GLP2R: variants seen among roughly 807,000 people sequenced by gnomAD.
GLP2R encodes the protein glucagon-like peptide 2 receptor.
In GLP2R, 59 loss-of-function variants were observed where a neutral mutation model predicts 68.2. The ratio of observed to expected loss-of-function variants is 0.87; its 90% CI spans 0.70 to 1.07. The LOEUF (loss-of-function observed/expected upper bound fraction) is 1.07, where lower values mean the gene tolerates loss of function less well. Among genes scored for constraint, GLP2R ranks in the 50% least tolerant of loss-of-function variants. The pLI is 0.00. For synonymous variants in GLP2R, 270 were observed against 265.4 expected (o/e 1.02, Z -0.17); for missense variants, 548 against 677.4 (o/e 0.81, Z 2.12).
intron 9 of GLP2R, among the ~76,000 whole-genome samples, chr17:9,863,622 C>T (rs557212884): frequency 3.7e-4 from 57 of 152,314 alleles, no homozygotes; most frequent in African/African-American, 1.4e-3. Context: ...CCAACTCCTT[C>T]CCTCGCCATC....
chr17:9,841,845 C>T (rs2066790128), intron 3 of GLP2R, among the ~76,000 whole-genome samples: 1 of 152,188 alleles, frequency 6.6e-6, no homozygotes, highest in Non-Finnish European at 1.5e-5. Context: ...AGCTCAGCCT[C>T]TAATCCTCCA....
intron 12 of GLP2R, among the ~76,000 whole-genome samples, chr17:9,888,579 G>A (rs2067263708): frequency 6.6e-6 from 1 of 152,138 alleles, no homozygotes; most frequent in South Asian, 2.1e-4. Context: ...CGATTCTCAT[G>A]CCTCAGCCTC....
intron 5 of GLP2R, 85 bp downstream of exon 5, chr17:9,854,686 T>C: frequency 3.7e-6 from 3 of 821,302 alleles, no homozygotes; most frequent in Non-Finnish European, 6.4e-6. Context: ...AGAGTTCCAG[T>C]AGATGCCTGA....
chr17:9,829,160 G>A (rs934167648), intron 1 of GLP2R, among the ~76,000 whole-genome samples: 2 of 152,072 alleles, frequency 1.3e-5, no homozygotes, highest in Non-Finnish European at 2.9e-5. Context: ...CAAGCAGGGA[G>A]GTAGTGTTAT....
intron 10 of GLP2R, among the ~76,000 whole-genome samples, chr17:9,872,531 C>T (rs1029793230): frequency 6.6e-6 from 1 of 152,156 alleles, no homozygotes; most frequent in Non-Finnish European, 1.5e-5. Context: ...AAGCCGAGAT[C>T]GTGCCATTGT....
chr17:9,839,064 CA>C (rs2066760202), intron 3 of GLP2R, among the ~76,000 whole-genome samples: 1 of 152,192 alleles, frequency 6.6e-6, no homozygotes, highest in Non-Finnish European at 1.5e-5. Context: ...ACTAGGGTTT[CA>C]AGCTTTCTTC....
intron 6 of GLP2R, among the ~76,000 whole-genome samples, chr17:9,858,492 C>T (rs539921944): frequency 3.9e-4 from 60 of 152,198 alleles, no homozygotes; most frequent in South Asian, 2.1e-4. Flanking sequence ...GTGCTAGCCT[C>T]GTAAAACAAA....
intron 3 of GLP2R, 129 bp downstream of exon 3, chr17:9,836,604 G>A: frequency 3.3e-6 from 2 of 602,206 alleles, no homozygotes; most frequent in Non-Finnish European, 6.0e-6. Flanking sequence ...ATTCCTGGAT[G>A]TTCCATTTAT....
At chr17:9,876,754 C>A (rs749241820) in intron 10 of GLP2R, among the ~76,000 whole-genome samples, 1 of 152,154 alleles carries the variant, frequency 6.6e-6, no homozygotes, top group African/African-American at 2.4e-5. Context: ...TGGAGTACCA[C>A]GTTCTGAACC....
At chr17:9,828,335 G>A (rs2066650969) in intron 1 of GLP2R, among the ~76,000 whole-genome samples, 1 of 152,228 alleles carries the variant, frequency 6.6e-6, no homozygotes, top group African/African-American at 2.4e-5. Context: ...ACTTCAATGT[G>A]TTAGTGGTGG....
intron 4 of GLP2R, chr17:9,853,170 C>T: frequency 7.1e-6 from 3 of 422,402 alleles, no homozygotes; most frequent in Non-Finnish European, 1.3e-5. Context: ...CTCAAACTGA[C>T]AATTCTTAAA....
chr17:9,828,626 T>A (rs1401113064), intron 1 of GLP2R, among the ~76,000 whole-genome samples: 2 of 152,198 alleles, frequency 1.3e-5, no homozygotes, highest in African/African-American at 4.8e-5. Flanking sequence ...AGGAGTTAAA[T>A]GGTTGCGTTC....
intron 3 of GLP2R, among the ~76,000 whole-genome samples, chr17:9,840,259 G>A (rs1252200788): frequency 6.6e-6 from 1 of 152,216 alleles, no homozygotes; most frequent in East Asian, 1.9e-4. Flanking sequence ...ACAGGCGTGA[G>A]CCACCGCACC....
chr17:9,852,939 A>G, intron 4 of GLP2R: 2 of 493,500 alleles, frequency 4.1e-6, no homozygotes, highest in South Asian at 3.6e-5. Flanking sequence ...TCTCCTCTTC[A>G]TCTTCTGACT....
chr17:9,859,688 A>C (rs981378477), intron 6 of GLP2R, among the ~76,000 whole-genome samples: 3 of 150,284 alleles, frequency 2.0e-5, no homozygotes, highest in Non-Finnish European at 4.4e-5. Context: ...GTGTGGTGGC[A>C]CTTGCCTGTA....
intron 1 of GLP2R, among the ~76,000 whole-genome samples, chr17:9,830,438 T>G (rs940308395): frequency 2.0e-5 from 3 of 152,258 alleles, no homozygotes; most frequent in African/African-American, 4.8e-5. Context: ...TAAAGATGTT[T>G]ACTTCTTTAA....
intron 1 of GLP2R, among the ~76,000 whole-genome samples, chr17:9,830,080 ACCCCTTGTGTTTT>A (rs1281681115): frequency 1.3e-5 from 2 of 152,104 alleles, no homozygotes. Flanking sequence ...ACTTGGATGT[ACCCCTTGTGTTTT>A]TTATGTCTTT....
chr17:9,873,556 CTTTTTTTTT>C (rs3073988), intron 10 of GLP2R, among the ~76,000 whole-genome samples: 2 of 52,060 alleles, frequency 3.8e-5, no homozygotes, highest in African/African-American at 8.6e-5. Context: ...TATGCATGGA[CTTTTTTTTT>C]TTTTTTTTTT....
At chr17:9,847,424 C>A (rs577571104) in intron 4 of GLP2R, among the ~76,000 whole-genome samples, 10 of 152,214 alleles carry the variant, frequency 6.6e-5, no homozygotes, top group Admixed American at 6.5e-4. Context: ...GGCACGCTGC[C>A]ACACCCGGCA....
Sources: allele counts gnomAD v4.1 joint callset (sites outside exome capture counted in the v4.1 genomes callset), GRCh38; gene constraint gnomAD v4.1.1; transcripts MANE v1.5; gene names NCBI Gene and HGNC (gene_info 2026-07-23, HGNC 2026-07-21).